Variants in PAMR1 observed in about 807,000 individuals in gnomAD.
PAMR1 encodes the protein peptidase domain containing associated with muscle regeneration 1, also known as inactive serine protease PAMR1.
Under a neutral mutation model 81.8 loss-of-function variants are expected in PAMR1, and 88 were observed. That is an observed-to-expected ratio of 1.08 (90% CI 0.91 to 1.28). The LOEUF (loss-of-function observed/expected upper bound fraction) is 1.28, where lower values mean the gene tolerates loss of function less well. Ranked by LOEUF, PAMR1 falls within the 50% of genes most tolerant of loss-of-function variation. The pLI is 0.00. For missense variants in PAMR1, 935 were observed against 919.7 expected (o/e 1.02, Z -0.21); for synonymous variants, 336 against 345.3 (o/e 0.97, Z 0.30).
intron 6 of PAMR1, among the ~76,000 whole-genome samples, chr11:35,461,125 G>T (rs1856644987): frequency 1.3e-5 from 2 of 152,164 alleles, no homozygotes; most frequent in African/African-American, 4.8e-5. Context: ...CAGTTCTAAT[G>T]AATTACCTCT....
At chr11:35,525,738 G>A (rs1421335040), upstream of PAMR1, 14 of 656,096 alleles carry the variant, frequency 2.1e-5, no homozygotes, top group Non-Finnish European at 3.5e-5. Flanking sequence ...CCTCATCTGA[G>A]GGGAACCACC....
chr11:35,452,519 C>A (rs1240735127), intron 6 of PAMR1, among the ~76,000 whole-genome samples: 1 of 152,056 alleles, frequency 6.6e-6, no homozygotes, highest in Non-Finnish European at 1.5e-5. Flanking sequence ...AAGTTCAAAG[C>A]CAGCTAAATA....
intron 3 of PAMR1, among the ~76,000 whole-genome samples, chr11:35,483,312 T>C (rs975714181): frequency 6.6e-6 from 1 of 152,198 alleles, no homozygotes; most frequent in Non-Finnish European, 1.5e-5. Context: ...ACTGGGAAGC[T>C]GTGAGCCCAT....
At chr11:35,488,322 G>A (rs1045221149) in intron 3 of PAMR1, among the ~76,000 whole-genome samples, 4 of 150,034 alleles carry the variant, frequency 2.7e-5, no homozygotes, top group East Asian at 2.0e-4. Context: ...CTGCAGAAGC[G>A]ATTCTCCCTC....
Position 35,489,780 on chromosome 11 carries a change from T to G in PAMR1, c.379+2265A>C, listed in dbSNP as rs887801317. On this transcript the variant is annotated intron_variant, in intron 3 of 10. Coordinates refer to ENST00000619888, the MANE Select transcript of PAMR1 (RefSeq NM_001001991.3). The stretch of plus-strand genomic sequence containing the variant: ...AGCAAAGGCATAGCTCAACCTTCAC[T>G]TCCTGTCTGAAACCTTACCTCCCTC... Among the ~76,000 whole-genome samples the G allele has an allele frequency of 2.0e-5, 3 of 152,212 alleles. 1 individual carries two copies. The highest frequency in any genetic ancestry group is 7.2e-5 in the African/African-American group (3 of 41,444).
chr11:35,474,664 T>C lies in PAMR1; in HGVS notation c.460A>G (p.Ile154Val), dbSNP rs1258791063. 6.2e-7 allele frequency: 1 copy of C among 1,608,304 alleles called. No homozygotes were observed. The highest frequency in any genetic ancestry group is 2.2e-5 in the East Asian group (1 of 44,640). The change falls in exon 4 of 11, where the codon ATT becomes GTT. Residue 154 changes from isoleucine (I) to valine (V), a missense_variant. Transcript: ENST00000619888. ...ATGACAAACCCAGGTTTAGCATGAA[T>C]GGTCCATTCACAGTGAGCATTTAGG... The part of the protein sequence containing the change: ...YPLNAHCEWT[I>V]HAKPGFVIQL...
At position 35,432,925 on chromosome 11, in the gene PAMR1, G is replaced by A. The variant is rs764055582; in HGVS notation, c.1627-33C>T. On this transcript the variant is annotated intron_variant, in intron 10 of 10. Coordinates refer to ENST00000619888, the MANE Select transcript of PAMR1 (RefSeq NM_001001991.3). ...TGCAAGGAATGGGCAGCAATGGTGA[G>A]GAGCCAGCTCCACAGTGGATAAGAA... is the stretch of plus-strand genomic sequence containing the variant. The A allele has an allele frequency of 1.7e-5, 26 of 1,530,430 alleles. No homozygotes were observed. The African/African-American group carries it at 3.3e-4, about 19-fold the overall frequency. The allele number at this position is 1,530,430 out of a possible 1,614,324, so 94.8% of individuals were successfully genotyped here.
chr11:35,498,616 A>G (rs904434534), intron 1 of PAMR1, among the ~76,000 whole-genome samples: 2 of 152,196 alleles, frequency 1.3e-5, no homozygotes, highest in Non-Finnish European at 1.5e-5. Flanking sequence ...CTTGCTTCCC[A>G]TCGCTTTTGC....
intron 9 of PAMR1, among the ~76,000 whole-genome samples, chr11:35,435,169 T>A (rs1374678326): frequency 1.3e-5 from 2 of 152,142 alleles, no homozygotes; most frequent in African/African-American, 4.8e-5. Flanking sequence ...AGATGGTACA[T>A]GCAAACAAAC....
rs1483730835 is a variant in PAMR1 at position 35,436,125 on chromosome 11, A to C, written c.1111T>G (p.Leu371Val). ...PMQVQSRETP[L>V]HQLYSAAFSK... ...AAGGCCGCTGAGTATAGCTGGTGTA[A>C]TGGTGTCTCCCTGGGTCAGGAAACA... Residue 371 changes from leucine (L) to valine (V), a missense_variant, in exon 9 of 11, where the codon TTA (leucine) becomes GTA (valine). Leu to Val is a conservative substitution (Grantham distance 32). Transcript: ENST00000619888. 14 of 1,612,660 alleles carry C rather than the reference A, an allele frequency of 8.7e-6. No homozygotes were observed. The highest frequency in any genetic ancestry group is 1.2e-5 in the Non-Finnish European group (14 of 1,178,766).
intron 1 of PAMR1, among the ~76,000 whole-genome samples, chr11:35,497,060 A>T (rs934413422): frequency 1.4e-4 from 22 of 152,086 alleles, no homozygotes; most frequent in Non-Finnish European, 2.1e-4. Flanking sequence ...CCAGCTACTT[A>T]GGAGGCTGAG....
rs774689346 is a variant in PAMR1, at chr11:35,435,902, C to T, written c.1333+1G>A. The T allele has an allele frequency of 6.2e-7, 1 of 1,608,502 alleles. No homozygotes were observed. Among genetic ancestry groups the T allele is most frequent in the Admixed American group, 1.7e-5 (1 of 60,016 alleles). On this transcript the variant is annotated splice_donor_variant, in intron 9 of 10. Coordinates refer to ENST00000619888, the MANE Select transcript of PAMR1 (RefSeq NM_001001991.3). LOFTEE classifies it high-confidence loss of function. ...AAGCCCAAGAATGAGCCTTGACTCACTAGGGATGCAGGATGGTGCCCGCCC... is the reference window on the plus strand; with the variant it reads ...AAGCCCAAGAATGAGCCTTGACTCATTAGGGATGCAGGATGGTGCCCGCCC...
upstream of PAMR1, among the ~76,000 whole-genome samples, chr11:35,526,709 A>G (rs551076167): frequency 1.8e-3 from 280 of 152,334 alleles, no homozygotes; most frequent in Non-Finnish European, 3.5e-3. Flanking sequence ...ACTAGGCTAT[A>G]GAGCTTCTTA....
At chr11:35,490,151 C>T (rs948627508) in intron 3 of PAMR1, among the ~76,000 whole-genome samples, 2 of 152,184 alleles carry the variant, frequency 1.3e-5, no homozygotes, top group African/African-American at 4.8e-5. Context: ...CATCAGATCT[C>T]CTGAGACTTA....
At position 35,472,439 on chromosome 11, in the gene PAMR1, G is replaced by A. The variant is rs548507649; in HGVS notation, c.495-1621C>T. Among the ~76,000 whole-genome samples the A allele has an allele frequency of 2.6e-5, 4 of 152,338 alleles. No homozygotes were observed. In the East Asian group the frequency reaches 7.7e-4, roughly 29 times the overall value. Reference sequence around the variant, plus strand: ...CAGCATAGCAGTGCCCCAGCTACCAGCTAGGCACGTGCCGGCCCTCATGGA... The same window carrying A: ...CAGCATAGCAGTGCCCCAGCTACCAACTAGGCACGTGCCGGCCCTCATGGA... On this transcript the variant is annotated intron_variant, in intron 4 of 10. Transcript: ENST00000619888.
intron 3 of PAMR1, among the ~76,000 whole-genome samples, chr11:35,490,696 G>T (rs1427409608): frequency 6.6e-6 from 1 of 152,148 alleles, no homozygotes; most frequent in African/African-American, 2.4e-5. Context: ...TAATTAAGGG[G>T]CATATAGGAT....
intron 1 of PAMR1, among the ~76,000 whole-genome samples, chr11:35,505,709 TC>T (rs1850936543): frequency 6.6e-6 from 1 of 152,156 alleles, no homozygotes; most frequent in South Asian, 2.1e-4. Context: ...GCATAGAATT[TC>T]TTTTGCCATC....
At chr11:35,489,392 T>C (rs991215940) in intron 3 of PAMR1, among the ~76,000 whole-genome samples, 6 of 152,214 alleles carry the variant, frequency 3.9e-5, no homozygotes, top group African/African-American at 4.8e-5. Context: ...TCTTGAGTCC[T>C]GTCACTCCTT....
At position 35,436,009 on chromosome 11, in the gene PAMR1, C is replaced by T. The variant is rs750169012; in HGVS notation, c.1227G>A (p.Gln409=). The T allele has an allele frequency of 1.7e-5, 27 of 1,614,026 alleles. No individual in the cohort carries two copies. The Admixed American group carries it at 4.5e-4, about 27-fold the overall frequency. Residue 409 remains glutamine (Q), a synonymous_variant, in exon 9 of 11, where the codon CAG becomes CAA. Transcript: ENST00000619888. ...AGGGTGAGATGCACTCATACTGGAG[C>T]TGGGTATGCAGATGTTGGTATCCCA... is the stretch of plus-strand genomic sequence containing the variant. ...LPMGYQHLHT[Q]LQYECISPFY... is the part of the protein sequence containing the mutation.
Sources: gnomAD v4.1 joint callset for allele counts (sites outside exome capture counted in the v4.1 genomes callset) on GRCh38, gnomAD v4.1.1 for gene constraint, MANE v1.5 for transcripts, NCBI Gene and HGNC (gene_info 2026-07-23, HGNC 2026-07-21) for gene names.